Variants in APBB2 observed in about 807,000 individuals in gnomAD.
The protein encoded by APBB2 is amyloid beta precursor protein binding family B member 2, also known as Fe65-like 1.
A neutral mutation model predicts 82.5 loss-of-function variants in APBB2; 38 were observed. The ratio of observed to expected loss-of-function variants is 0.46; its 90% CI spans 0.36 to 0.60. The LOEUF (loss-of-function observed/expected upper bound fraction) is 0.60. Ranked by LOEUF, APBB2 falls within the 20% of genes least tolerant of loss-of-function variation. The pLI, the probability that APBB2 is intolerant of heterozygous loss-of-function variation, is 0.00. For synonymous variants in APBB2, 341 were observed against 368.2 expected (o/e 0.93, Z 0.85); for missense variants, 772 against 972.3 (o/e 0.79, Z 2.74).
rs1373720121 is a variant in APBB2 at position 40,832,016 on chromosome 4, A to ACACACACACACACACACG, written c.1530-1440_1530-1439insCGTGTGTGTGTGTGTGTG. The stretch of plus-strand genomic sequence containing the variant: ...CATATTTATATATTTATTTATATAC[A>ACACACACACACACACACG]CACACACACACACACACACACACAC... On this transcript the variant is annotated intron_variant, in intron 12 of 17. Transcript: ENST00000508593. The surrounding 1 kb of genome is among the most constrained non-coding windows in gnomAD (Gnocchi z 4.8). Among the ~76,000 whole-genome samples, 1 of 146,200 alleles carries ACACACACACACACACACG rather than the reference A, an allele frequency of 6.8e-6. No homozygotes were observed. Among genetic ancestry groups the ACACACACACACACACACG allele is most frequent in the Non-Finnish European group, 1.5e-5 (1 of 67,252 alleles).
intron 12 of APBB2, chr4:40,880,056 G>T (rs145152981): frequency 1.0e-6 from 1 of 985,348 alleles, no homozygotes; most frequent in Non-Finnish European, 1.2e-6. Flanking sequence ...TGGGAGCGAT[G>T]GCACTTATGA....
At chr4:41,145,093 C>CT (rs1354607661) in intron 1 of APBB2, among the ~76,000 whole-genome samples, 1 of 152,204 alleles carries the variant, frequency 6.6e-6, no homozygotes, top group African/African-American at 2.4e-5. Context: ...ATACTCCAGT[C>CT]TGGGAGACAG....
chr4:40,857,148 C>A (rs751479146), intron 12 of APBB2: 128 of 985,414 alleles, frequency 1.3e-4, no homozygotes, highest in Non-Finnish European at 1.5e-4. Context: ...CTGCCCCGGG[C>A]TCAAGTTGAA....
chr4:41,061,045 C>T lies in APBB2; in HGVS notation c.-51+4531G>A, dbSNP rs375823007. 3.3e-5 allele frequency among the ~76,000 whole-genome samples: 5 copies of T among 152,254 alleles called. No homozygotes were observed. In the South Asian group the frequency reaches 6.2e-4, roughly 19 times the overall value. On this transcript the variant is annotated intron_variant, in intron 4 of 17. Transcript: ENST00000508593. ...ACACTAAACATTTTCAGCAGGGAAG[C>T]GGCATGGTCAGAGCCATGCCTCAGT...
chr4:41,084,262 T>C (rs1738815296), intron 3 of APBB2, among the ~76,000 whole-genome samples: 1 of 152,124 alleles, frequency 6.6e-6, no homozygotes. Flanking sequence ...CTGTTTCTAC[T>C]GAAAATACAA....
intron 3 of APBB2, among the ~76,000 whole-genome samples, chr4:41,077,090 G>A (rs142760035): frequency 1.4e-4 from 21 of 150,360 alleles, no homozygotes; most frequent in African/African-American, 5.1e-4. Context: ...CTGCAGCTTC[G>A]AATCCTTGGG....
At chr4:40,982,608 A>C (rs1292217145) in intron 6 of APBB2, among the ~76,000 whole-genome samples, 1 of 151,768 alleles carries the variant, frequency 6.6e-6, no homozygotes, top group Non-Finnish European at 1.5e-5. Context: ...GTCTCTACCA[A>C]AAATACAAAA....
intron 1 of APBB2, among the ~76,000 whole-genome samples, chr4:41,178,734 A>G (rs1770517681): frequency 6.6e-6 from 1 of 152,222 alleles, no homozygotes; most frequent in Non-Finnish European, 1.5e-5. Context: ...AGCAGATGAG[A>G]AAACCAAGGC....
At chr4:40,964,056 C>CT (rs1261216328) in intron 6 of APBB2, among the ~76,000 whole-genome samples, 3 of 152,270 alleles carry the variant, frequency 2.0e-5, no homozygotes, top group Admixed American at 6.5e-5. Flanking sequence ...CATGGGCTTT[C>CT]TTTTTGTTAA....
Position 41,130,019 on chromosome 4 carries a change from G to T in APBB2, c.-261+12968C>A, listed in dbSNP as rs138675972. Among the ~76,000 whole-genome samples the T allele has an allele frequency of 6.9e-3, 1,046 of 152,196 alleles. 13 individuals carry two copies. Among genetic ancestry groups the T allele is most frequent in the African/African-American group, 0.023 (975 of 41,524 alleles). On this transcript the variant is annotated intron_variant, in intron 2 of 17. Coordinates refer to ENST00000508593, the MANE Select transcript of APBB2 (RefSeq NM_004307.2). Reference sequence around the variant, plus strand: ...AGGTTTCACCGACAGACTAACATTTGAGTAAGAATTAAATGAGAAAGGACA... The same window carrying T: ...AGGTTTCACCGACAGACTAACATTTTAGTAAGAATTAAATGAGAAAGGACA...
intron 3 of APBB2, among the ~76,000 whole-genome samples, chr4:41,069,344 G>A (rs1486803814): frequency 6.6e-6 from 1 of 152,148 alleles, no homozygotes; most frequent in Non-Finnish European, 1.5e-5. Flanking sequence ...AAATGGAGTG[G>A]AGTGACTTTA....
At chr4:40,912,965 T>A (rs1778936522) in intron 10 of APBB2, among the ~76,000 whole-genome samples, 2 of 152,230 alleles carry the variant, frequency 1.3e-5, no homozygotes, top group Admixed American at 1.3e-4. Context: ...AAGCAAGTCC[T>A]GAGGTCCGCA....
At chr4:41,030,036 G>C (rs1308551953) in intron 5 of APBB2, among the ~76,000 whole-genome samples, 1 of 152,080 alleles carries the variant, frequency 6.6e-6, no homozygotes, top group Admixed American at 6.5e-5. Context: ...CATGCCTGTA[G>C]TCCCAGCTAC....
chr4:41,099,626 A>G (rs1744678154), intron 3 of APBB2, among the ~76,000 whole-genome samples: 1 of 152,234 alleles, frequency 6.6e-6, no homozygotes, highest in East Asian at 1.9e-4. Context: ...CAATAACAAC[A>G]GAGCTATAAA....
At chr4:41,054,905 G>A (rs1002232354) in intron 4 of APBB2, among the ~76,000 whole-genome samples, 5 of 151,998 alleles carry the variant, frequency 3.3e-5, no homozygotes, top group East Asian at 1.9e-4. Context: ...TGCCCCTCCC[G>A]ATCAAACAGG....
intron 10 of APBB2, among the ~76,000 whole-genome samples, chr4:40,928,588 AT>A (rs1283443034): frequency 7.7e-6 from 1 of 129,362 alleles, no homozygotes; most frequent in African/African-American, 2.8e-5. Context: ...CAAATAAATA[AT>A]TTTAAAAAAA....
chr4:41,149,600 A>T (rs1761704251), intron 1 of APBB2, among the ~76,000 whole-genome samples: 1 of 152,180 alleles, frequency 6.6e-6, no homozygotes, highest in Non-Finnish European at 1.5e-5. Flanking sequence ...GCATAAAAAG[A>T]ATGAATATCT....
Position 41,066,138 on chromosome 4 carries a change from A to G in APBB2, c.-148-465T>C, listed in dbSNP as rs563999142. 1.2e-3 allele frequency among the ~76,000 whole-genome samples: 112 copies of G among 93,948 alleles called. 2 individuals carry two copies. The South Asian group carries it at 0.029, about 25-fold the overall frequency. 61.6% of individuals were successfully genotyped at this position (93,948 alleles called of 152,430 possible). A position where few individuals can be genotyped will look rare whatever the true frequency, so the allele number is the denominator to read the frequency against. On this transcript the variant is annotated intron_variant, in intron 3 of 17. Transcript: ENST00000508593. ...GAGGTTAGATGTCATGTTGATTGGAAAAAAAAAAAAACTTTTCAGTGACAT... is the reference window on the plus strand; with the variant it reads ...GAGGTTAGATGTCATGTTGATTGGAGAAAAAAAAAAACTTTTCAGTGACAT...
chr4:41,012,342 G>A (rs1808610052), intron 6 of APBB2, among the ~76,000 whole-genome samples: 1 of 152,148 alleles, frequency 6.6e-6, no homozygotes, highest in African/African-American at 2.4e-5. Flanking sequence ...TCCAGCAGGT[G>A]ACAATGTCTA....
Sources: gnomAD v4.1 joint callset for allele counts (sites outside exome capture counted in the v4.1 genomes callset) on GRCh38, gnomAD v4.1.1 for gene constraint, Gnocchi (gnomAD v3.1) non-coding constraint, MANE v1.5 for transcripts, NCBI Gene and HGNC (gene_info 2026-07-23, HGNC 2026-07-21) for gene names.